Variants in LDLRAD3 observed in about 807,000 individuals in gnomAD.
LDLRAD3 encodes the protein low density lipoprotein receptor class A domain containing 3.
Under a neutral mutation model 29.4 loss-of-function variants are expected in LDLRAD3, and 20 were observed. That is an observed-to-expected ratio of 0.68 (90% CI 0.48 to 0.99). LDLRAD3 has a LOEUF of 0.99. LDLRAD3 is among the 50% of genes least tolerant of loss of function. LDLRAD3 has a pLI of 0.00. For missense variants in LDLRAD3, 420 were observed against 454.3 expected, an observed-to-expected ratio of 0.92 and a Z score of 0.69; for synonymous variants, 157 against 192.7, an observed-to-expected ratio of 0.81 and a Z score of 1.53.
At chr11:36,207,741 G>A (rs1191478829) in intron 4 of LDLRAD3, among the ~76,000 whole-genome samples, 1 of 152,124 alleles carries the variant, frequency 6.6e-6, no homozygotes, top group Non-Finnish European at 1.5e-5. Context: ...TCACAAAAGG[G>A]CATGAATCTC....
intron 4 of LDLRAD3, among the ~76,000 whole-genome samples, chr11:36,122,593 G>C (rs1853775490): frequency 6.6e-6 from 1 of 152,150 alleles, no homozygotes; most frequent in African/African-American, 2.4e-5. Flanking sequence ...TTATTAAGCA[G>C]GAACTGTTTT....
intron 4 of LDLRAD3, among the ~76,000 whole-genome samples, chr11:36,124,376 G>A (rs1172728280): frequency 1.3e-5 from 2 of 152,174 alleles, no homozygotes; most frequent in Non-Finnish European, 1.5e-5. Context: ...ATTTGTAACT[G>A]ACTTTTTTAA....
At chr11:36,149,663 C>G (rs1854248087) in intron 4 of LDLRAD3, among the ~76,000 whole-genome samples, 1 of 152,170 alleles carries the variant, frequency 6.6e-6, no homozygotes, top group Non-Finnish European at 1.5e-5. Context: ...GCTCCCAGCG[C>G]TGTAGTGTCC....
chr11:36,075,185 C>T (rs1274781221), intron 2 of LDLRAD3, among the ~76,000 whole-genome samples: 1 of 152,140 alleles, frequency 6.6e-6, no homozygotes, highest in Non-Finnish European at 1.5e-5. Context: ...TGGTGGATGA[C>T]ATTTCACACA....
intron 1 of LDLRAD3, among the ~76,000 whole-genome samples, chr11:35,957,591 G>A (rs905520741): frequency 1.3e-5 from 2 of 152,146 alleles, no homozygotes; most frequent in African/African-American, 2.4e-5. Flanking sequence ...GAGCTCAGGA[G>A]TTTGGGCTGG....
chr11:36,191,256 TA>T (rs1280221234), intron 4 of LDLRAD3, among the ~76,000 whole-genome samples: 1 of 151,962 alleles, frequency 6.6e-6, no homozygotes, highest in Non-Finnish European at 1.5e-5. Flanking sequence ...ATAGGCCAAG[TA>T]GTATGGTGGC....
chr11:36,171,289 C>CT (rs1854595729), intron 4 of LDLRAD3, among the ~76,000 whole-genome samples: 1 of 152,076 alleles, frequency 6.6e-6, no homozygotes, highest in Admixed American at 6.6e-5. Context: ...TATGCAGAAG[C>CT]TTTTTCATTT....
In LDLRAD3 at chr11:36,165,534, G is replaced by T. The variant is rs569280358; in HGVS notation, c.455-61551G>T. 1.1e-3 allele frequency among the ~76,000 whole-genome samples: 171 copies of T among 151,866 alleles called. 1 individual carries two copies. Among genetic ancestry groups the T allele is most frequent in the Non-Finnish European group, 1.7e-3 (118 of 67,976 alleles). ...TTTCATCACGTAATTGCCAACATAG[G>T]ATATTATCATTTTAAAAAATCATTC... is the stretch of plus-strand genomic sequence containing the variant. On this transcript the variant is annotated intron_variant, in intron 4 of 5. Coordinates refer to ENST00000315571, the MANE Select transcript of LDLRAD3 (RefSeq NM_174902.4).
chr11:36,229,423 G>A lies in LDLRAD3; in HGVS notation c.*26G>A. On this transcript the variant is annotated 3_prime_UTR_variant, in exon 6 of 6. Transcript: ENST00000315571. ...GTCCCAGTTATTCCAAAGTCCATAT[G>A]GGTTAATCTGCTCTGACTTGTTGCC... The A allele has an allele frequency of 1.3e-6, 2 of 1,489,542 alleles. No individual in the cohort carries two copies. Among genetic ancestry groups the A allele is most frequent in the Non-Finnish European group, 1.9e-6 (2 of 1,071,314 alleles). 92.3% of individuals were successfully genotyped at this position (1,489,542 alleles called of 1,614,324 possible).
At chr11:36,011,074 C>T (rs996404933) in intron 1 of LDLRAD3, among the ~76,000 whole-genome samples, 35 of 152,162 alleles carry the variant, frequency 2.3e-4, no homozygotes, top group African/African-American at 8.2e-4. Context: ...CAAAGTGCTG[C>T]AATTACAGGC....
chr11:36,127,188 C>G (rs879417534), intron 4 of LDLRAD3, among the ~76,000 whole-genome samples: 2 of 152,092 alleles, frequency 1.3e-5, no homozygotes, highest in Non-Finnish European at 2.9e-5. Context: ...GCTAAAGATA[C>G]AGGTTTAAGG....
chr11:36,078,954 C>T (rs1246439657), intron 2 of LDLRAD3, among the ~76,000 whole-genome samples: 1 of 152,160 alleles, frequency 6.6e-6, no homozygotes, highest in Non-Finnish European at 1.5e-5. Flanking sequence ...TGCTCGCAGG[C>T]CCCTGGGATA....
rs1409036127 is a variant in LDLRAD3, at chr11:36,199,620, C to T, written c.455-27465C>T. Among the ~76,000 whole-genome samples the T allele has an allele frequency of 2.6e-5, 4 of 152,208 alleles. No individual in the cohort carries two copies. The East Asian group carries it at 5.8e-4, about 22-fold the overall frequency. On this transcript the variant is annotated intron_variant, in intron 4 of 5. Transcript: ENST00000315571. ...ACGCGTGCGCGCACACGCTTTCTGG[C>T]TCATTCCAGGTGGATTGACAGCCGC...
At chr11:36,006,545 A>G (rs910076935) in intron 1 of LDLRAD3, among the ~76,000 whole-genome samples, 29 of 152,168 alleles carry the variant, frequency 1.9e-4, no homozygotes, top group Admixed American at 1.8e-3. Context: ...CTGCCTCTCC[A>G]TAGCTGCTGC....
intron 2 of LDLRAD3, among the ~76,000 whole-genome samples, chr11:36,077,537 G>A (rs1371964239): frequency 6.6e-6 from 1 of 152,218 alleles, no homozygotes; most frequent in Non-Finnish European, 1.5e-5. Flanking sequence ...GAGCGAGCGT[G>A]GAGTTCAGCC....
In LDLRAD3 at chr11:36,229,617, C is replaced by G; in HGVS notation, c.*220C>G. 2 of 476,400 alleles carry G rather than the reference C, an allele frequency of 4.2e-6. No individual in the cohort carries two copies. Among genetic ancestry groups the G allele is most frequent in the Non-Finnish European group, 3.7e-6 (1 of 269,322 alleles). The allele number at this position is 476,400 out of a possible 1,614,324, so 29.5% of individuals were successfully genotyped here. On this transcript the variant is annotated 3_prime_UTR_variant, in exon 6 of 6. Coordinates refer to ENST00000315571, the MANE Select transcript of LDLRAD3 (RefSeq NM_174902.4). ...CTGTTGTGCGTCTTTTCTGTCAGGT[C>G]ACTCTTCCCTTGGGACCCGAGATCA... is the stretch of plus-strand genomic sequence containing the variant.
intron 2 of LDLRAD3, among the ~76,000 whole-genome samples, chr11:36,069,914 T>G (rs1382356705): frequency 6.6e-6 from 1 of 152,250 alleles, no homozygotes; most frequent in East Asian, 1.9e-4. Flanking sequence ...TAAGGCCTCA[T>G]GCTGTAAATA....
intron 1 of LDLRAD3, among the ~76,000 whole-genome samples, chr11:35,987,238 A>T (rs1851626490): frequency 6.6e-6 from 1 of 152,164 alleles, no homozygotes; most frequent in Non-Finnish European, 1.5e-5. Flanking sequence ...ATTTTTAGGG[A>T]TCATCTTTTT....
At chr11:36,040,220 G>C (rs1364339989) in intron 2 of LDLRAD3, among the ~76,000 whole-genome samples, 2 of 152,056 alleles carry the variant, frequency 1.3e-5, no homozygotes, top group Non-Finnish European at 2.9e-5. Flanking sequence ...GCCTGGAGAG[G>C]TGTGTCATGG....
Sources: allele counts gnomAD v4.1 joint callset (sites outside exome capture counted in the v4.1 genomes callset), GRCh38; gene constraint gnomAD v4.1.1; transcripts MANE v1.5; gene names NCBI Gene and HGNC (gene_info 2026-07-23, HGNC 2026-07-21).